The following CSMD1 variants were observed in gnomAD, a reference collection of about 807,000 sequenced individuals.
The protein encoded by CSMD1 is CUB and Sushi multiple domains 1.
Under a neutral mutation model 417.5 loss-of-function variants are expected in CSMD1, and 213 were observed. That is an observed-to-expected ratio of 0.51 (90% CI 0.46 to 0.57). The LOEUF (loss-of-function observed/expected upper bound fraction) is 0.57, where lower values mean the gene tolerates loss of function less well. Ranked by LOEUF, CSMD1 falls within the 20% of genes least tolerant of loss-of-function variation. The pLI, the probability that CSMD1 is intolerant of heterozygous loss-of-function variation, is 0.00. For synonymous variants in CSMD1, 2,862 were observed against 1,736.8 expected, an observed-to-expected ratio of 1.65 and a Z score of -16.11; for missense variants, 6,923 against 4,529.7, an observed-to-expected ratio of 1.53 and a Z score of -15.17.
At chr8:4,763,180 A>G (rs1179107370) in intron 1 of CSMD1, among the ~76,000 whole-genome samples, 1 of 152,218 alleles carries the variant, frequency 6.6e-6, no homozygotes, top group Non-Finnish European at 1.5e-5. Flanking sequence ...TTAACAGCTT[A>G]AAGATCTGGG....
chr8:3,728,686 T>C (rs73187231), intron 6 of CSMD1, among the ~76,000 whole-genome samples: 4,454 of 151,376 alleles, frequency 0.029, 87 homozygotes, highest in Middle Eastern at 0.077. Flanking sequence ...GTAGAAAGAG[T>C]GCTCTTGTAA....
At chr8:4,432,247 C>G (rs557760276) in intron 2 of CSMD1, among the ~76,000 whole-genome samples, 4 of 152,264 alleles carry the variant, frequency 2.6e-5, no homozygotes, top group African/African-American at 7.2e-5. Flanking sequence ...AAACAGTAAA[C>G]TCACACAGGA....
Position 3,307,632 on chromosome 8 carries a change from T to C in CSMD1, c.3950+63A>G, listed in dbSNP as rs1804978803. On this transcript the variant is annotated intron_variant, in intron 25 of 69. Transcript: ENST00000635120. The stretch of plus-strand genomic sequence containing the variant: ...TGGATATTTGGTGTACCACTATCTC[T>C]GCTACAAGAATAGAAGGCATATCTC... 4.6e-6 allele frequency: 7 copies of C among 1,532,870 alleles called. No homozygotes were observed. In the Admixed American group the frequency reaches 7.1e-5, roughly 15 times the overall value. 95.0% of individuals were successfully genotyped at this position (1,532,870 alleles called of 1,614,324 possible).
chr8:3,135,261 T>G (rs911134478), intron 41 of CSMD1, among the ~76,000 whole-genome samples: 1 of 152,236 alleles, frequency 6.6e-6, no homozygotes, highest in African/African-American at 2.4e-5. Context: ...CAGAAGCACA[T>G]GAGGACATAA....
chr8:4,480,081 A>G (rs1201909808), intron 2 of CSMD1, among the ~76,000 whole-genome samples: 1 of 151,984 alleles, frequency 6.6e-6, no homozygotes. Flanking sequence ...AGAAGTTTGA[A>G]GTAGCTGAAC....
At chr8:3,508,031 T>A (rs1361355373) in intron 10 of CSMD1, among the ~76,000 whole-genome samples, 1 of 152,194 alleles carries the variant, frequency 6.6e-6, no homozygotes, top group Non-Finnish European at 1.5e-5. Context: ...ATTTGTCAAT[T>A]TTGGCTTTTG....
chr8:3,307,638 A>G, intron 25 of CSMD1, 57 bp downstream of exon 25: 3 of 1,551,566 alleles, frequency 1.9e-6, no homozygotes, highest in Non-Finnish European at 2.6e-6. Flanking sequence ...TCTCTGCTAC[A>G]AGAATAGAAG....
chr8:4,448,105 C>T (rs929326059), intron 2 of CSMD1, among the ~76,000 whole-genome samples: 7 of 152,208 alleles, frequency 4.6e-5, no homozygotes, highest in Non-Finnish European at 7.3e-5. Flanking sequence ...TCTCTATGTT[C>T]TTGATCTCTT....
intron 41 of CSMD1, among the ~76,000 whole-genome samples, chr8:3,122,110 G>C (rs780990400): frequency 6.6e-6 from 1 of 151,990 alleles, no homozygotes; most frequent in Non-Finnish European, 1.5e-5. Flanking sequence ...TGAGTATTCT[G>C]ATTAACTCAG....
chr8:4,711,985 A>G (rs962294458), intron 1 of CSMD1, among the ~76,000 whole-genome samples: 1 of 152,204 alleles, frequency 6.6e-6, no homozygotes, highest in Non-Finnish European at 1.5e-5. Context: ...CAAGTCAGTG[A>G]TTTGAAATAT....
intron 25 of CSMD1, 57 bp downstream of exon 25, chr8:3,307,638 A>C: frequency 6.4e-7 from 1 of 1,551,566 alleles, no homozygotes; most frequent in Non-Finnish European, 8.8e-7. Context: ...TCTCTGCTAC[A>C]AGAATAGAAG....
rs777596539 is a variant in CSMD1, at chr8:3,795,180, T to TATAG, written c.819-41142_819-41139dup. 6.5e-4 allele frequency among the ~76,000 whole-genome samples: 39 copies of TATAG among 59,834 alleles called. 2 individuals carry two copies. Among genetic ancestry groups the TATAG allele is most frequent in the African/African-American group, 7.4e-4 (14 of 18,812 alleles). 39.3% of individuals were successfully genotyped at this position (59,834 alleles called of 152,430 possible). On this transcript the variant is annotated intron_variant, in intron 5 of 69. Coordinates refer to ENST00000635120, the MANE Select transcript of CSMD1 (RefSeq NM_033225.6). ...GCTATAGATACCTATCATGTACAGCTATAGATACCTATCATGTACAGATAT... is the reference window on the plus strand; with the variant it reads ...GCTATAGATACCTATCATGTACAGCTATAGATAGATACCTATCATGTACAGATAT...
chr8:3,005,940 G>A (rs939932608), intron 52 of CSMD1, among the ~76,000 whole-genome samples: 2 of 152,038 alleles, frequency 1.3e-5, no homozygotes, highest in Admixed American at 1.3e-4. Flanking sequence ...GGCAGGAGAA[G>A]GAAATAAAGG....
chr8:4,046,829 G>T (rs906846074), intron 3 of CSMD1, among the ~76,000 whole-genome samples: 1 of 152,126 alleles, frequency 6.6e-6, no homozygotes, highest in Non-Finnish European at 1.5e-5. Context: ...TAAGCGCCAG[G>T]CACTTCATGT....
intron 49 of CSMD1, among the ~76,000 whole-genome samples, chr8:3,072,410 A>C: frequency 6.6e-6 from 1 of 152,326 alleles, no homozygotes; most frequent in African/African-American, 2.4e-5. Flanking sequence ...AAGCTTCAGA[A>C]TTTTTTTAAA....
At chr8:3,764,997 G>A (rs759527216) in intron 5 of CSMD1, among the ~76,000 whole-genome samples, 2 of 151,710 alleles carry the variant, frequency 1.3e-5, no homozygotes, top group Non-Finnish European at 2.9e-5. Context: ...TGCCCACTTC[G>A]GCCTCCCAAA....
intron 1 of CSMD1, among the ~76,000 whole-genome samples, chr8:4,707,064 G>C (rs570494897): frequency 6.6e-6 from 1 of 152,306 alleles, no homozygotes; most frequent in East Asian, 1.9e-4. Context: ...TCAGATCTGA[G>C]ATTAGGAAAG....
At position 4,202,359 on chromosome 8, in the gene CSMD1, A is replaced by G. The variant is rs547303691; in HGVS notation, c.416-170260T>C. Among the ~76,000 whole-genome samples the G allele has an allele frequency of 3.3e-4, 50 of 152,312 alleles. 1 individual carries two copies. The South Asian group carries it at 6.8e-3, about 21-fold the overall frequency. On this transcript the variant is annotated intron_variant, in intron 3 of 69. Transcript: ENST00000635120. Reference sequence around the variant, plus strand: ...ATATGGCATTTTAATGTCTTCATGTATCATTCTGCACACTTTTTTCTTCTA... The same window carrying G: ...ATATGGCATTTTAATGTCTTCATGTGTCATTCTGCACACTTTTTTCTTCTA...
intron 3 of CSMD1, among the ~76,000 whole-genome samples, chr8:4,212,342 A>G (rs1426606300): frequency 6.6e-6 from 1 of 152,144 alleles, no homozygotes; most frequent in Admixed American, 6.6e-5. Flanking sequence ...AACTTGAAGA[A>G]AATCCCACCA....
Sources: allele counts gnomAD v4.1 joint callset (sites outside exome capture counted in the v4.1 genomes callset), GRCh38; gene constraint gnomAD v4.1.1; transcripts MANE v1.5; gene names NCBI Gene and HGNC (gene_info 2026-07-23, HGNC 2026-07-21).